Variants in SLC9A8 observed in about 807,000 individuals in gnomAD.
The protein encoded by SLC9A8 is solute carrier family 9 member A8.
Under a neutral mutation model 66.6 loss-of-function variants are expected in SLC9A8, and 48 were observed. The ratio of observed to expected loss-of-function variants is 0.72; its 90% CI spans 0.57 to 0.92. The LOEUF is 0.92. Among genes scored for constraint, SLC9A8 ranks in the 40% least tolerant of loss-of-function variants. The probability of loss-of-function intolerance (pLI) is 0.00; values close to 1 mark genes in which losing one functional copy is unlikely to be tolerated. For synonymous variants in SLC9A8, 274 were observed against 282.6 expected (o/e 0.97, Z 0.31); for missense variants, 599 against 747.3 (o/e 0.80, Z 2.31).
rs142433660 is a variant in SLC9A8, at chr20:49,847,955, G to C, written c.433-1624G>C. Among the ~76,000 whole-genome samples the C allele has an allele frequency of 4.7e-3, 589 of 125,144 alleles. 6 individuals are homozygous for C. The highest frequency in any genetic ancestry group is 0.018 in the African/African-American group (571 of 32,342). The allele number at this position is 125,144 out of a possible 152,430, so 82.1% of individuals were successfully genotyped here. Reference sequence around the variant, plus strand: ...ATGGAGTTTTGCTCTTGTTGCCCAGGCTGGAGTGCAATGGCACGAACTCGG... The same window carrying C: ...ATGGAGTTTTGCTCTTGTTGCCCAGCCTGGAGTGCAATGGCACGAACTCGG... On this transcript the variant is annotated intron_variant, in intron 5 of 15. Coordinates refer to ENST00000361573, the MANE Select transcript of SLC9A8 (RefSeq NM_015266.3).
intron 2 of SLC9A8, among the ~76,000 whole-genome samples, chr20:49,822,749 T>C (rs2086786138): frequency 6.6e-6 from 1 of 152,244 alleles, no homozygotes; most frequent in African/African-American, 2.4e-5. Flanking sequence ...ATCATACCAC[T>C]GCACTCTAGC....
Position 49,815,197 on chromosome 20 carries a change from T to C in SLC9A8, c.208+8T>C. ...TCAGCCTCCTTGTCCTAGGTGAATATGGACACTGTCATCCCCATCATCTGC... is the reference window on the plus strand; with the variant it reads ...TCAGCCTCCTTGTCCTAGGTGAATACGGACACTGTCATCCCCATCATCTGC... On this transcript the variant is annotated splice_region_variant and intron_variant, in intron 2 of 15. Coordinates refer to ENST00000361573, the MANE Select transcript of SLC9A8 (RefSeq NM_015266.3). 1 of 1,531,086 alleles carries C rather than the reference T, an allele frequency of 6.5e-7. No individual in the cohort carries two copies. Among genetic ancestry groups the C allele is most frequent in the Non-Finnish European group, 8.8e-7 (1 of 1,135,356 alleles). 94.8% of individuals were successfully genotyped at this position (1,531,086 alleles called of 1,614,324 possible).
At chr20:49,873,881 C>G (rs1166413778) in intron 10 of SLC9A8, among the ~76,000 whole-genome samples, 1 of 151,972 alleles carries the variant, frequency 6.6e-6, no homozygotes, top group Non-Finnish European at 1.5e-5. Context: ...ATAGTCATCC[C>G]TCAGCATCTG....
chr20:49,839,995 T>C (rs949133642), intron 4 of SLC9A8, among the ~76,000 whole-genome samples: 14 of 152,198 alleles, frequency 9.2e-5, no homozygotes, highest in African/African-American at 3.1e-4. Flanking sequence ...CAGTACTTTA[T>C]ATATTGTAGC....
intron 8 of SLC9A8, among the ~76,000 whole-genome samples, chr20:49,857,988 TACAC>T (rs764556758): frequency 3.0e-4 from 45 of 152,278 alleles, no homozygotes; most frequent in African/African-American, 1.1e-3. Flanking sequence ...ATTTAGGAAA[TACAC>T]AAGCAAAAAA....
chr20:49,836,048 A>T (rs1649486482), intron 3 of SLC9A8, among the ~76,000 whole-genome samples: 1 of 152,072 alleles, frequency 6.6e-6, no homozygotes, highest in Non-Finnish European at 1.5e-5. Flanking sequence ...ATTTTAGGAC[A>T]TTTTTATCAC....
intron 11 of SLC9A8, among the ~76,000 whole-genome samples, chr20:49,875,992 G>A (rs2089414180): frequency 6.6e-6 from 1 of 152,120 alleles, no homozygotes; most frequent in Admixed American, 6.5e-5. Flanking sequence ...ACCTGCCTCG[G>A]CCTCCCAAAG....
chr20:49,830,962 G>C (rs996311177), intron 3 of SLC9A8: 1 of 777,822 alleles, frequency 1.3e-6, no homozygotes, highest in Non-Finnish European at 2.4e-6. Context: ...TAGCCATTGC[G>C]CTGGGCAATG....
chr20:49,829,118 T>TA (rs1326493963), intron 3 of SLC9A8: 1 of 151,688 alleles, frequency 6.6e-6, no homozygotes, highest in Admixed American at 6.6e-5. Context: ...GATGGTTGGA[T>TA]AGTAAGATGG....
Position 49,837,875 on chromosome 20 carries a change from G to A in SLC9A8, c.290-1666G>A, listed in dbSNP as rs141438189. On this transcript the variant is annotated intron_variant, in intron 3 of 15. Coordinates refer to ENST00000361573, the MANE Select transcript of SLC9A8 (RefSeq NM_015266.3). Reference sequence around the variant, plus strand: ...TGAGCCACCACGCCTGGTCGGTTCTGTGTGGCATTTTTATACTATCCTGCC... The same window carrying A: ...TGAGCCACCACGCCTGGTCGGTTCTATGTGGCATTTTTATACTATCCTGCC... Among the ~76,000 whole-genome samples the A allele has an allele frequency of 9.2e-5, 14 of 152,224 alleles. No individual in the cohort carries two copies. The East Asian group carries it at 2.7e-3, about 29-fold the overall frequency.
chr20:49,861,825 C>A (rs1028207295), intron 8 of SLC9A8, among the ~76,000 whole-genome samples: 3 of 151,958 alleles, frequency 2.0e-5, no homozygotes, highest in African/African-American at 7.3e-5. Context: ...AAGGAAAGTT[C>A]TTTCTTTCAT....
At chr20:49,834,387 T>A (rs866701627) in intron 3 of SLC9A8, among the ~76,000 whole-genome samples, 584 of 46,838 alleles carry the variant, frequency 0.012, 40 homozygotes, top group Non-Finnish European at 0.015. Flanking sequence ...ATATATACTG[T>A]GTATATATAT....
intron 7 of SLC9A8, among the ~76,000 whole-genome samples, chr20:49,854,247 A>G (rs2088371224): frequency 6.6e-6 from 1 of 152,136 alleles, no homozygotes; most frequent in South Asian, 2.1e-4. Context: ...CATGTGGCAC[A>G]TGAGGCCCCT....
At chr20:49,854,179 T>A (rs1351606233) in intron 7 of SLC9A8, among the ~76,000 whole-genome samples, 1 of 152,130 alleles carries the variant, frequency 6.6e-6, no homozygotes, top group Non-Finnish European at 1.5e-5. Flanking sequence ...GCAACAGGCA[T>A]GGCACAGAGG....
chr20:49,822,542 T>C (rs1162609277), intron 2 of SLC9A8, among the ~76,000 whole-genome samples: 5 of 152,234 alleles, frequency 3.3e-5, no homozygotes, highest in African/African-American at 7.2e-5. Flanking sequence ...CCCAGCACTT[T>C]GGGAGGCCAA....
At chr20:49,837,150 T>C (rs2146548346) in intron 3 of SLC9A8, among the ~76,000 whole-genome samples, 1 of 152,332 alleles carries the variant, frequency 6.6e-6, no homozygotes, top group African/African-American at 2.4e-5. Flanking sequence ...ACTGTTTGTC[T>C]CTTATTTATC....
chr20:49,886,973 G>C lies in SLC9A8; in HGVS notation c.1638+75G>C, dbSNP rs34619777. The C allele has an allele frequency of 0.042, 63,142 of 1,510,324 alleles. 1,541 individuals are homozygous for C. The highest frequency in any genetic ancestry group is 0.05 in the Non-Finnish European group (55,501 of 1,114,856). The allele number at this position is 1,510,324 out of a possible 1,614,324, so 93.6% of individuals were successfully genotyped here. On this transcript the variant is annotated intron_variant, in intron 15 of 15. Transcript: ENST00000361573. This position sits in a 1 kb window ranked among gnomAD's most constrained non-coding sequence, Gnocchi z 4.8. The stretch of plus-strand genomic sequence containing the variant: ...TTCAGGACCTGCGGTGGCCCAGGGT[G>C]GGGTGGAGGAAGAGTGGGGAGGCAG...
intron 5 of SLC9A8, among the ~76,000 whole-genome samples, chr20:49,847,983 C>T (rs1389580030): frequency 1.4e-5 from 2 of 143,970 alleles, no homozygotes; most frequent in Non-Finnish European, 3.0e-5. Context: ...GAACTCGGCT[C>T]ACTGCGAACT....
intron 3 of SLC9A8, chr20:49,830,047 C>T: frequency 2.9e-6 from 2 of 685,844 alleles, no homozygotes; most frequent in East Asian, 3.4e-5. Flanking sequence ...GGCAGCCGAC[C>T]AGAAGCGAGC....
Sources: allele counts gnomAD v4.1 joint callset (sites outside exome capture counted in the v4.1 genomes callset), GRCh38; gene constraint gnomAD v4.1.1; non-coding constraint Gnocchi (gnomAD v3.1); transcripts MANE v1.5; gene names NCBI Gene and HGNC (gene_info 2026-07-23, HGNC 2026-07-21).